NCALD: variants seen among roughly 807,000 people sequenced by gnomAD.
The protein encoded by NCALD is neurocalcin-delta.
In NCALD, 10 loss-of-function variants were observed where a neutral mutation model predicts 18.6. The observed-to-expected ratio is 0.54, with a 90% CI of 0.33 to 0.91. The LOEUF is 0.91. NCALD is among the 40% of genes least tolerant of loss of function. The probability of loss-of-function intolerance (pLI) is 0.03; values close to 1 mark genes in which losing one functional copy is unlikely to be tolerated. For missense variants in NCALD, 184 were observed against 247.6 expected, an observed-to-expected ratio of 0.74 and a Z score of 1.72; for synonymous variants, 88 against 87.4, an observed-to-expected ratio of 1.01 and a Z score of -0.04.
chr8:101,691,767 G>A (rs1224937360), intron 3 of NCALD: 2 of 985,266 alleles, frequency 2.0e-6, no homozygotes, highest in Non-Finnish European at 2.4e-6. Context: ...CTGGGCGGGG[G>A]ATAAAAGGAG....
intron 1 of NCALD, among the ~76,000 whole-genome samples, chr8:102,090,314 A>G (rs1824883470): frequency 6.6e-6 from 1 of 152,212 alleles, no homozygotes; most frequent in Non-Finnish European, 1.5e-5. Flanking sequence ...TGGCTTTAAT[A>G]GTGGCTGTCC....
intron 1 of NCALD, among the ~76,000 whole-genome samples, chr8:102,087,679 C>A (rs1214690991): frequency 6.6e-6 from 1 of 152,186 alleles, no homozygotes; most frequent in Non-Finnish European, 1.5e-5. Flanking sequence ...ATCTGCCTTG[C>A]AGTCTTTGCT....
intron 2 of NCALD, among the ~76,000 whole-genome samples, chr8:101,946,541 G>A (rs1257300844): frequency 1.3e-5 from 2 of 152,072 alleles, no homozygotes; most frequent in Admixed American, 1.3e-4. Flanking sequence ...ACGGTATCTA[G>A]TTTGAGTCAC....
chr8:101,996,483 TG>T (rs2132005857), intron 2 of NCALD, among the ~76,000 whole-genome samples: 1 of 152,374 alleles, frequency 6.6e-6, no homozygotes, highest in East Asian at 1.9e-4. Flanking sequence ...CCATAGCTGT[TG>T]CTCACAACAA....
chr8:101,726,997 A>T (rs1452276000), intron 1 of NCALD, among the ~76,000 whole-genome samples: 1 of 152,238 alleles, frequency 6.6e-6, no homozygotes, highest in East Asian at 1.9e-4. Flanking sequence ...AAGTAGGCAG[A>T]CAAACACAAG....
At chr8:101,745,485 G>A (rs1450405140) in intron 1 of NCALD, among the ~76,000 whole-genome samples, 2 of 152,106 alleles carry the variant, frequency 1.3e-5, no homozygotes, top group East Asian at 3.9e-4. Flanking sequence ...AATATTGCAC[G>A]GTGGTCTTTC....
At chr8:101,978,076 C>T (rs917904782) in intron 2 of NCALD, among the ~76,000 whole-genome samples, 3 of 151,790 alleles carry the variant, frequency 2.0e-5, no homozygotes, top group African/African-American at 7.3e-5. Flanking sequence ...CTCGTCCATA[C>T]AGCAACCAGT....
At chr8:101,692,028 T>C (rs1293049001) in intron 3 of NCALD, 1 of 981,216 alleles carries the variant, frequency 1.0e-6, no homozygotes, top group Non-Finnish European at 1.2e-6. Flanking sequence ...AACTTTGAAT[T>C]TCAGATAAAC....
chr8:102,027,907 AACTC>A (rs1451542066), intron 1 of NCALD, among the ~76,000 whole-genome samples: 2 of 152,156 alleles, frequency 1.3e-5, no homozygotes, highest in African/African-American at 4.8e-5. Flanking sequence ...ATCTTGTGAG[AACTC>A]ACTCACTATC....
At chr8:101,861,729 CAT>C (rs1445126350) in intron 4 of NCALD, among the ~76,000 whole-genome samples, 3 of 152,146 alleles carry the variant, frequency 2.0e-5, no homozygotes, top group Non-Finnish European at 2.9e-5. Flanking sequence ...TGTTCTCTCA[CAT>C]GTTATTGCAT....
chr8:101,929,782 T>C (rs1818505695), intron 2 of NCALD, among the ~76,000 whole-genome samples: 1 of 152,006 alleles, frequency 6.6e-6, no homozygotes, highest in South Asian at 2.1e-4. Context: ...ATACAAATTA[T>C]GGCCTGTAAT....
At chr8:101,711,368 A>G (rs1815783028) in intron 2 of NCALD, among the ~76,000 whole-genome samples, 1 of 152,234 alleles carries the variant, frequency 6.6e-6, no homozygotes, top group Non-Finnish European at 1.5e-5. Context: ...TTATCCTTCA[A>G]TGGATCACAA....
intron 1 of NCALD, among the ~76,000 whole-genome samples, chr8:102,085,171 C>A (rs1311068338): frequency 1.3e-5 from 2 of 152,224 alleles, no homozygotes; most frequent in East Asian, 3.9e-4. Flanking sequence ...ATATTTGGGG[C>A]CAGGTAATTG....
intron 2 of NCALD, among the ~76,000 whole-genome samples, chr8:101,985,134 C>A (rs76564209): frequency 0.059 from 8,973 of 152,252 alleles, 454 homozygotes; most frequent in African/African-American, 0.14. Flanking sequence ...TTTGGAACTC[C>A]GCCGCCATGC....
At chr8:102,030,428 A>T (rs1822625852) in intron 1 of NCALD, among the ~76,000 whole-genome samples, 1 of 152,244 alleles carries the variant, frequency 6.6e-6, no homozygotes, top group South Asian at 2.1e-4. Flanking sequence ...CTGCAATTAA[A>T]TGGAACCCAT....
intron 4 of NCALD, among the ~76,000 whole-genome samples, chr8:101,833,709 T>C (rs1248138272): frequency 6.7e-6 from 1 of 149,992 alleles, no homozygotes; most frequent in Non-Finnish European, 1.5e-5. Context: ...CAAGGTTTAA[T>C]TCCAAGAACT....
intron 1 of NCALD, among the ~76,000 whole-genome samples, chr8:101,731,104 G>A (rs936063439): frequency 6.6e-6 from 1 of 152,124 alleles, no homozygotes; most frequent in Non-Finnish European, 1.5e-5. Context: ...CACCATGGAG[G>A]TAAGTGTGAG....
chr8:101,796,184 T>G (rs1367550450), intron 4 of NCALD, among the ~76,000 whole-genome samples: 1 of 152,178 alleles, frequency 6.6e-6, no homozygotes, highest in Non-Finnish European at 1.5e-5. Flanking sequence ...ACTCTCTAAT[T>G]GGATCAAGAT....
chr8:102,069,616 C>T (rs1010996744), intron 1 of NCALD, among the ~76,000 whole-genome samples: 3 of 151,934 alleles, frequency 2.0e-5, no homozygotes, highest in Non-Finnish European at 4.4e-5. Context: ...AGGAAAAAAC[C>T]CTAAACAAAA....
Sources: gnomAD v4.1 joint callset for allele counts (sites outside exome capture counted in the v4.1 genomes callset) on GRCh38, gnomAD v4.1.1 for gene constraint, MANE v1.5 for transcripts, NCBI Gene and HGNC (gene_info 2026-07-23, HGNC 2026-07-21) for gene names.